The following NXN variants were observed in gnomAD, a reference collection of about 807,000 sequenced individuals.
NXN encodes nucleoredoxin 1.
A neutral mutation model predicts 48.6 loss-of-function variants in NXN; 16 were observed. The observed-to-expected ratio is 0.33, with a 90% CI of 0.22 to 0.50. The LOEUF is 0.50. Ranked by LOEUF, NXN falls within the 20% of genes least tolerant of loss-of-function variation. NXN has a pLI of 0.98. For missense variants in NXN, 492 were observed against 605.5 expected (o/e 0.81, Z 1.97); for synonymous variants, 281 against 269.6 (o/e 1.04, Z -0.41).
intron 1 of NXN, among the ~76,000 whole-genome samples, chr17:860,175 G>A (rs1177373827): frequency 2.0e-5 from 3 of 151,994 alleles, no homozygotes; most frequent in Non-Finnish European, 4.4e-5. Context: ...CTAGGTTGGA[G>A]GGCAGTGACC....
chr17:946,992 G>A (rs2069051138), intron 1 of NXN, among the ~76,000 whole-genome samples: 1 of 152,194 alleles, frequency 6.6e-6, no homozygotes, highest in African/African-American at 2.4e-5. Flanking sequence ...AACCGGGAAA[G>A]CCAGTCGGCC....
chr17:937,016 G>A (rs1269953993), intron 1 of NXN, among the ~76,000 whole-genome samples: 3 of 151,304 alleles, frequency 2.0e-5, no homozygotes, highest in East Asian at 3.9e-4. Flanking sequence ...TTGCACAACC[G>A]CATTCCAGCC....
intron 1 of NXN, among the ~76,000 whole-genome samples, chr17:948,796 G>A (rs1354528249): frequency 1.3e-5 from 2 of 149,260 alleles, no homozygotes; most frequent in African/African-American, 5.0e-5. Context: ...GAAACAGCAG[G>A]GCCAGGGCAC....
intron 1 of NXN, among the ~76,000 whole-genome samples, chr17:887,520 T>C (rs146189388): frequency 6.6e-6 from 1 of 152,172 alleles, no homozygotes; most frequent in African/African-American, 2.4e-5. Flanking sequence ...CTTCACTCCC[T>C]CCACTAATAC....
chr17:878,342 G>T (rs1056647536), intron 1 of NXN: 1 of 147,536 alleles, frequency 6.8e-6, no homozygotes, highest in Non-Finnish European at 1.5e-5. Flanking sequence ...GTGTGCAAAG[G>T]TGAGGATGCT....
chr17:812,631 GGTGT>G (rs143730021), intron 5 of NXN, among the ~76,000 whole-genome samples: 5,298 of 149,352 alleles, frequency 0.035, 118 homozygotes, highest in Non-Finnish European at 0.05. Context: ...GGTGAGTGTA[GGTGT>G]GTGTGAGTGT....
chr17:975,374 G>C (rs1396333993), intron 1 of NXN, among the ~76,000 whole-genome samples: 1 of 152,224 alleles, frequency 6.6e-6, no homozygotes, highest in Non-Finnish European at 1.5e-5. Flanking sequence ...AAGAGTGGCA[G>C]AGCTGGAGTT....
Position 963,214 on chromosome 17 carries a change from G to GACACACACACACACAC in NXN, c.360+16089_360+16104dup, listed in dbSNP as rs58535607. Among the ~76,000 whole-genome samples, 898 of 142,898 alleles carry GACACACACACACACAC rather than the reference G, an allele frequency of 6.3e-3. 23 individuals are homozygous for GACACACACACACACAC. The East Asian group carries it at 0.081, about 13-fold the overall frequency. 93.7% of individuals were successfully genotyped at this position (142,898 alleles called of 152,430 possible). On this transcript the variant is annotated intron_variant, in intron 1 of 7. Transcript: ENST00000336868. ...AAAAAAAGGTATAGGTACTGGGACG[G>GACACACACACACACAC]ACACACACACACACACACACACACA...
chr17:919,286 T>A lies in NXN; in HGVS notation c.360+60033A>T, dbSNP rs968030516. On this transcript the variant is annotated intron_variant, in intron 1 of 7. Coordinates refer to ENST00000336868, the MANE Select transcript of NXN (RefSeq NM_022463.5). This position sits in a 1 kb window ranked among gnomAD's most constrained non-coding sequence, Gnocchi z 5.1. ...GCTGAAGCAGGAGAATAGCTTGAAC[T>A]AGGGAGGCAGAGGTTGCAGTGAGCC... Among the ~76,000 whole-genome samples the A allele has an allele frequency of 6.6e-6, 1 of 151,518 alleles. No homozygotes were observed. Among genetic ancestry groups the A allele is most frequent in the African/African-American group, 2.4e-5 (1 of 41,216 alleles).
intron 1 of NXN, among the ~76,000 whole-genome samples, chr17:901,070 A>G (rs2068533439): frequency 6.6e-6 from 1 of 151,860 alleles, no homozygotes; most frequent in Non-Finnish European, 1.5e-5. Flanking sequence ...GCAGGCATCC[A>G]CCACCACGCC....
At chr17:936,814 G>C (rs1303333267) in intron 1 of NXN, among the ~76,000 whole-genome samples, 1 of 150,742 alleles carries the variant, frequency 6.6e-6, no homozygotes, top group African/African-American at 2.4e-5. Flanking sequence ...CCCCACATAA[G>C]CTCACCTTTA....
intron 1 of NXN, among the ~76,000 whole-genome samples, chr17:865,136 T>C (rs943540218): frequency 3.9e-5 from 6 of 152,222 alleles, no homozygotes; most frequent in Admixed American, 2.0e-4. Context: ...CTCCCCTCCC[T>C]GTGCTCCTTC....
chr17:978,942 G>A lies in NXN; in HGVS notation c.360+377C>T, dbSNP rs1425103293. ...GCGGGTGAAGGGGTCGCGGAACCGG[G>A]ATCCCCGAGCGCAGCCGCCCCCACC... is the stretch of plus-strand genomic sequence containing the variant. On this transcript the variant is annotated intron_variant, in intron 1 of 7. Coordinates refer to ENST00000336868, the MANE Select transcript of NXN (RefSeq NM_022463.5). The surrounding 1 kb of genome is among the most constrained non-coding windows in gnomAD (Gnocchi z 4.1). Among the ~76,000 whole-genome samples the A allele has an allele frequency of 6.6e-6, 1 of 151,164 alleles. No homozygotes were observed. Among genetic ancestry groups the A allele is most frequent in the African/African-American group, 2.4e-5 (1 of 41,210 alleles).
intron 1 of NXN, among the ~76,000 whole-genome samples, chr17:829,357 A>G (rs1390722393): frequency 6.6e-6 from 1 of 150,978 alleles, no homozygotes; most frequent in African/African-American, 2.4e-5. Context: ...GTTTCACCAC[A>G]TTGGCCAGGT....
At chr17:818,410 G>A (rs1042063403) in intron 5 of NXN, among the ~76,000 whole-genome samples, 17 of 151,684 alleles carry the variant, frequency 1.1e-4, no homozygotes, top group Admixed American at 2.0e-4. Flanking sequence ...ACTTATTCAT[G>A]CTCCCAACAA....
chr17:853,738 T>TTTTTTTTCC (rs1555614493), intron 1 of NXN, among the ~76,000 whole-genome samples: 1 of 143,574 alleles, frequency 7.0e-6, no homozygotes, highest in African/African-American at 2.7e-5. Context: ...TTTTTTTTTT[T>TTTTTTTTCC]CCAAGACGGA....
chr17:926,593 T>C (rs2068802537), intron 1 of NXN, among the ~76,000 whole-genome samples: 1 of 151,178 alleles, frequency 6.6e-6, no homozygotes, highest in African/African-American at 2.4e-5. Flanking sequence ...TCGCCCAGGC[T>C]GGAGTGCAGT....
intron 2 of NXN, among the ~76,000 whole-genome samples, chr17:824,835 T>C (rs480351): frequency 0.7 from 105,865 of 151,676 alleles, 38,463 homozygotes; most frequent in African/African-American, 0.91. Context: ...TCAAAGTCGC[T>C]TGGGGGCTGG....
intron 7 of NXN, among the ~76,000 whole-genome samples, chr17:801,539 G>A (rs1318950537): frequency 3.7e-5 from 5 of 134,808 alleles, no homozygotes; most frequent in East Asian, 2.5e-4. Flanking sequence ...TCCACCTCCC[G>A]GGTTTAAGCA....
Sources: gnomAD v4.1 joint callset for allele counts (sites outside exome capture counted in the v4.1 genomes callset) on GRCh38, gnomAD v4.1.1 for gene constraint, Gnocchi (gnomAD v3.1) non-coding constraint, MANE v1.5 for transcripts, NCBI Gene and HGNC (gene_info 2026-07-23, HGNC 2026-07-21) for gene names.